GRID1: variants seen among roughly 807,000 people sequenced by gnomAD.
GRID1 encodes the protein glutamate ionotropic receptor delta type subunit 1.
Under a neutral mutation model 98.0 loss-of-function variants are expected in GRID1, and 28 were observed. The ratio of observed to expected loss-of-function variants is 0.29; its 90% CI spans 0.21 to 0.39. The LOEUF is 0.39. GRID1 is among the 10% of genes least tolerant of loss of function. The pLI, the probability that GRID1 is intolerant of heterozygous loss-of-function variation, is 1.00. For synonymous variants in GRID1, 553 were observed against 538.5 expected, an observed-to-expected ratio of 1.03 and a Z score of -0.37; for missense variants, 1,111 against 1,340.5, an observed-to-expected ratio of 0.83 and a Z score of 2.67.
chr10:86,208,413 C>G (rs373008627), intron 2 of GRID1, among the ~76,000 whole-genome samples: 2 of 152,206 alleles, frequency 1.3e-5, no homozygotes, highest in East Asian at 1.9e-4. Context: ...GCTGTGCCCC[C>G]CAAGAGCCTA....
intron 2 of GRID1, among the ~76,000 whole-genome samples, chr10:86,249,557 A>G (rs1417844573): frequency 2.0e-5 from 3 of 150,396 alleles, no homozygotes; most frequent in African/African-American, 7.4e-5. Context: ...CTCCTACCAC[A>G]CTCCACCTCC....
At chr10:86,114,493 G>A (rs1027879234) in intron 4 of GRID1, among the ~76,000 whole-genome samples, 1 of 152,112 alleles carries the variant, frequency 6.6e-6, no homozygotes, top group African/African-American at 2.4e-5. Context: ...CACATTATTT[G>A]TCCAAGTCCT....
intron 4 of GRID1, among the ~76,000 whole-genome samples, chr10:86,030,000 AC>A (rs1843164064): frequency 6.6e-6 from 1 of 152,364 alleles, no homozygotes; most frequent in Non-Finnish European, 1.5e-5. Context: ...ACATGGTAGC[AC>A]CTTCTAACTG....
chr10:85,623,100 C>T (rs1842875652), intron 13 of GRID1, among the ~76,000 whole-genome samples: 1 of 152,206 alleles, frequency 6.6e-6, no homozygotes. Flanking sequence ...GTCTTCACTT[C>T]CTTGGCATCC....
At chr10:85,881,364 C>T (rs112749898) in intron 5 of GRID1, among the ~76,000 whole-genome samples, 8 of 152,172 alleles carry the variant, frequency 5.3e-5, no homozygotes, top group East Asian at 1.9e-4. Flanking sequence ...CACTACCTGA[C>T]GTCGAACTAT....
chr10:86,113,884 C>T (rs1271359037), intron 4 of GRID1, among the ~76,000 whole-genome samples: 1 of 152,236 alleles, frequency 6.6e-6, no homozygotes, highest in Non-Finnish European at 1.5e-5. Flanking sequence ...CACAGGACAG[C>T]TTTTGCCTAA....
intron 5 of GRID1, among the ~76,000 whole-genome samples, chr10:85,888,297 G>A (rs773593653): frequency 2.7e-4 from 41 of 152,088 alleles, no homozygotes; most frequent in South Asian, 2.1e-4. Flanking sequence ...CCAAGCGTGG[G>A]CCCAGTCAGC....
intron 13 of GRID1, among the ~76,000 whole-genome samples, chr10:85,635,795 T>C (rs1361151860): frequency 6.6e-6 from 1 of 152,182 alleles, no homozygotes; most frequent in Non-Finnish European, 1.5e-5. Flanking sequence ...AATGCTTCTG[T>C]TATGGCCTGA....
At chr10:85,936,370 T>C (rs1456088963) in intron 4 of GRID1, among the ~76,000 whole-genome samples, 1 of 152,254 alleles carries the variant, frequency 6.6e-6, no homozygotes, top group Non-Finnish European at 1.5e-5. Context: ...TGCCTTTGGC[T>C]TCCAGCCAGA....
chr10:85,820,059 CAGGCAGGCAGGAAGGCAGGT>C (rs1385177149), intron 8 of GRID1, among the ~76,000 whole-genome samples: 40 of 100,420 alleles, frequency 4.0e-4, no homozygotes, highest in African/African-American at 1.6e-3. Context: ...GGCAGGCAGG[CAGGCAGGCAGGAAGGCAGGT>C]AGGCAGGCAG....
At chr10:86,218,981 C>T (rs1334360778) in intron 2 of GRID1, among the ~76,000 whole-genome samples, 1 of 152,312 alleles carries the variant, frequency 6.6e-6, no homozygotes, top group Non-Finnish European at 1.5e-5. Context: ...CAGCACAGCC[C>T]GAGACAGCTG....
chr10:85,720,694 T>A (rs183699297), intron 12 of GRID1, among the ~76,000 whole-genome samples: 154 of 149,908 alleles, frequency 1.0e-3, no homozygotes, highest in Non-Finnish European at 1.9e-3. Flanking sequence ...CCCAAAACTC[T>A]CAACCTAAAC....
intron 3 of GRID1, among the ~76,000 whole-genome samples, chr10:86,170,900 T>TGA (rs1845475720): frequency 6.6e-6 from 1 of 152,158 alleles, no homozygotes; most frequent in Non-Finnish European, 1.5e-5. Flanking sequence ...CAGGTTCTCC[T>TGA]CTACACTCAA....
intron 4 of GRID1, among the ~76,000 whole-genome samples, chr10:85,946,924 A>T (rs771410817): frequency 1.3e-5 from 2 of 152,232 alleles, no homozygotes; most frequent in Non-Finnish European, 2.9e-5. Flanking sequence ...CCAATGGCTC[A>T]CAATGCGGAA....
At chr10:85,666,545 C>T (rs1841020936) in intron 12 of GRID1, among the ~76,000 whole-genome samples, 1 of 152,176 alleles carries the variant, frequency 6.6e-6, no homozygotes, top group Non-Finnish European at 1.5e-5. Flanking sequence ...TTGAGGTTGG[C>T]TTGTAAGGCA....
rs1842557869 is a variant in GRID1 at position 85,600,389 on chromosome 10, G to A, written c.*1884C>T. 1 of 152,178 alleles carries A rather than the reference G, an allele frequency of 6.6e-6. No individual in the cohort carries two copies. The highest frequency in any genetic ancestry group is 1.5e-5 in the Non-Finnish European group (1 of 68,018). 9.4% of individuals were successfully genotyped at this position (152,178 alleles called of 1,614,324 possible). A position where few individuals can be genotyped will look rare whatever the true frequency, so the allele number is the denominator to read the frequency against. ...TTCCCCACAGTGCTTTTAGCTGACTGTGTGATTTGGCCGTTCTTTACTGCT... is the reference window on the plus strand; with the variant it reads ...TTCCCCACAGTGCTTTTAGCTGACTATGTGATTTGGCCGTTCTTTACTGCT... On this transcript the variant is annotated 3_prime_UTR_variant, in exon 16 of 16. Coordinates refer to ENST00000327946, the MANE Select transcript of GRID1 (RefSeq NM_017551.3).
Position 85,916,645 on chromosome 10 carries a change from G to T in GRID1, c.727-406C>A, listed in dbSNP as rs531889844. On this transcript the variant is annotated intron_variant, in intron 4 of 15. Coordinates refer to ENST00000327946, the MANE Select transcript of GRID1 (RefSeq NM_017551.3). The surrounding 1 kb of genome is among the most constrained non-coding windows in gnomAD (Gnocchi z 4.0). ...GAAACTGGAACGAGGGATTTATGGGGGCTTGTCTAGTCCAGCTGTACTGAG... is the reference window on the plus strand; with the variant it reads ...GAAACTGGAACGAGGGATTTATGGGTGCTTGTCTAGTCCAGCTGTACTGAG... 2.6e-5 allele frequency among the ~76,000 whole-genome samples: 4 copies of T among 152,290 alleles called. No homozygotes were observed. In the South Asian group the frequency reaches 8.3e-4, roughly 32 times the overall value.
intron 4 of GRID1, among the ~76,000 whole-genome samples, chr10:86,003,785 G>A (rs1842828492): frequency 6.6e-6 from 1 of 152,212 alleles, no homozygotes; most frequent in South Asian, 2.1e-4. Context: ...TACAGGCAGA[G>A]ATTTTAAAGT....
At chr10:86,011,876 G>A (rs923109143) in intron 4 of GRID1, among the ~76,000 whole-genome samples, 4 of 152,158 alleles carry the variant, frequency 2.6e-5, no homozygotes, top group African/African-American at 7.2e-5. Flanking sequence ...GATGTATGTC[G>A]GCCGGGCATG....
Sources: gnomAD v4.1 joint callset for allele counts (sites outside exome capture counted in the v4.1 genomes callset) on GRCh38, gnomAD v4.1.1 for gene constraint, Gnocchi (gnomAD v3.1) non-coding constraint, MANE v1.5 for transcripts, NCBI Gene and HGNC (gene_info 2026-07-23, HGNC 2026-07-21) for gene names.